Variants in AIM2 observed in about 807,000 individuals in gnomAD.
AIM2 encodes the protein interferon-inducible protein AIM2.
A neutral mutation model predicts 27.7 loss-of-function variants in AIM2; 30 were observed. The observed-to-expected ratio is 1.08, with a 90% CI of 0.81 to 1.47. The LOEUF (loss-of-function observed/expected upper bound fraction) is 1.47, where lower values mean the gene tolerates loss of function less well. Among genes scored for constraint, AIM2 ranks in the 40% most tolerant of loss-of-function variants. AIM2 has a pLI of 0.00. For synonymous variants in AIM2, 141 were observed against 145.3 expected, an observed-to-expected ratio of 0.97 and a Z score of 0.21; for missense variants, 358 against 411.3, an observed-to-expected ratio of 0.87 and a Z score of 1.12.
intron 1 of AIM2, among the ~76,000 whole-genome samples, chr1:159,127,206 G>A (rs1162623890): frequency 2.0e-5 from 3 of 152,172 alleles, no homozygotes; most frequent in Non-Finnish European, 4.4e-5. Flanking sequence ...GTAGGATCCT[G>A]AGTGTTTATT....
rs753715706 is a variant in AIM2, at chr1:159,063,541, A to T, written c.950T>A (p.Leu317Gln). 8 of 1,613,958 alleles carry T rather than the reference A, an allele frequency of 5.0e-6. No homozygotes were observed. The highest frequency in any genetic ancestry group is 6.8e-6 in the Non-Finnish European group (8 of 1,179,952). Residue 317 changes from leucine (L) to glutamine (Q), a missense_variant, in exon 5 of 6, where the codon CTG becomes CAG. Coordinates refer to ENST00000368130, the MANE Select transcript of AIM2 (RefSeq NM_004833.3). Reference sequence around the variant, plus strand: ...CTGTAGTTTTTCTCCATTTTTTGACAGTGTGAAGAATGTAAGTCGAACCTT... The same window carrying T: ...CTGTAGTTTTTCTCCATTTTTTGACTGTGTGAAGAATGTAAGTCGAACCTT... Reference protein sequence around the residue: ...GDKVRLTFFTLSKNGEKLQLT... With the variant: ...GDKVRLTFFTQSKNGEKLQLT...
At chr1:159,108,352 T>A (rs1276290148) in intron 1 of AIM2, among the ~76,000 whole-genome samples, 6 of 152,182 alleles carry the variant, frequency 3.9e-5, no homozygotes, top group Non-Finnish European at 7.4e-5. Flanking sequence ...CATCCCTTTA[T>A]AATTAAAACT....
chr1:159,062,784 G>A (rs1655889182), intron 5 of AIM2, 66 bp from the exon 6 acceptor site: 2 of 1,430,516 alleles, frequency 1.4e-6, no homozygotes, highest in South Asian at 1.2e-5. Flanking sequence ...ACTGTTTGCA[G>A]TCACTATGGC....
intron 3 of AIM2, among the ~76,000 whole-genome samples, chr1:159,067,877 C>A (rs867734477): frequency 6.6e-6 from 1 of 152,056 alleles, no homozygotes; most frequent in East Asian, 1.9e-4. Context: ...TCTGCCACTC[C>A]CTCAGGACTA....
At chr1:159,084,595 G>T (rs924410298) in intron 1 of AIM2, among the ~76,000 whole-genome samples, 2 of 151,988 alleles carry the variant, frequency 1.3e-5, no homozygotes, top group African/African-American at 4.8e-5. Context: ...AAAAAACGGC[G>T]ACCTTATCTC....
chr1:159,126,896 T>C (rs1647710418), intron 1 of AIM2, among the ~76,000 whole-genome samples: 1 of 152,224 alleles, frequency 6.6e-6, no homozygotes, highest in Non-Finnish European at 1.5e-5. Context: ...ACTCACACCA[T>C]GGAGCATTAT....
chr1:159,137,686 G>A (rs1218623907), intron 1 of AIM2, among the ~76,000 whole-genome samples: 2 of 152,086 alleles, frequency 1.3e-5, no homozygotes, highest in Non-Finnish European at 2.9e-5. Context: ...AAACCTATGT[G>A]TTGGTATCTG....
rs562633402 is a variant in AIM2, at chr1:159,124,514, T to C, written c.-16+15917A>G. Among the ~76,000 whole-genome samples the C allele has an allele frequency of 2.6e-5, 4 of 152,304 alleles. No individual in the cohort carries two copies. The South Asian group carries it at 8.3e-4, about 32-fold the overall frequency. ...CTGTAATCTTTACTATTCTTTGGAA[T>C]CCTCTCCCCGGTTTATTTACTAAAG... On this transcript the variant is annotated intron_variant, in intron 1 of 2. Coordinates refer to the AIM2 transcript ENST00000368129.
chr1:159,140,012 G>A (rs1484988838), intron 1 of AIM2, among the ~76,000 whole-genome samples: 1 of 152,146 alleles, frequency 6.6e-6, no homozygotes, highest in African/African-American at 2.4e-5. Flanking sequence ...GTGGAAAAAT[G>A]TGACATACCC....
chr1:159,067,449 G>A (rs1262227417), intron 3 of AIM2, among the ~76,000 whole-genome samples: 5 of 152,140 alleles, frequency 3.3e-5, no homozygotes, highest in African/African-American at 1.2e-4. Flanking sequence ...GTCTCTGAAG[G>A]GTGTCTCTGA....
At chr1:159,061,559 T>C (rs1264611752), downstream of AIM2, among the ~76,000 whole-genome samples, 1 of 70,402 alleles carries the variant, frequency 1.4e-5, no homozygotes, top group Non-Finnish European at 2.5e-5. Flanking sequence ...TGCCCGGCTA[T>C]TTTTTTTTTT....
chr1:159,065,601 T>G (rs962180416), intron 4 of AIM2, among the ~76,000 whole-genome samples: 12 of 152,172 alleles, frequency 7.9e-5, no homozygotes, highest in Non-Finnish European at 1.8e-4. Flanking sequence ...CTATAGTCAC[T>G]TAAAATAAAG....
chr1:159,117,435 T>C (rs954904898), intron 1 of AIM2, among the ~76,000 whole-genome samples: 1 of 152,128 alleles, frequency 6.6e-6, no homozygotes, highest in Non-Finnish European at 1.5e-5. Context: ...ATATATCAAG[T>C]ATAACAAATA....
chr1:159,115,215 T>G (rs1298466762), intron 1 of AIM2, among the ~76,000 whole-genome samples: 3 of 152,156 alleles, frequency 2.0e-5, no homozygotes, highest in African/African-American at 7.2e-5. Context: ...CATTCCATGC[T>G]CATGGGTAGG....
chr1:159,146,302 G>C (rs1236443333), intron 1 of AIM2, among the ~76,000 whole-genome samples: 1 of 151,930 alleles, frequency 6.6e-6, no homozygotes, highest in East Asian at 1.9e-4. Flanking sequence ...GATGATTCCT[G>C]GTGCTAACTT....
intron 1 of AIM2, among the ~76,000 whole-genome samples, chr1:159,075,605 T>G (rs1299937301): frequency 3.3e-5 from 5 of 150,360 alleles, no homozygotes; most frequent in African/African-American, 9.9e-5. Flanking sequence ...GCTATATATA[T>G]ATATATAGAG....
chr1:159,093,722 A>G (rs1657103035), intron 1 of AIM2, among the ~76,000 whole-genome samples: 1 of 148,942 alleles, frequency 6.7e-6, no homozygotes, highest in Admixed American at 6.7e-5. Flanking sequence ...ATGTATGTGT[A>G]TATATATATA....
intron 1 of AIM2, among the ~76,000 whole-genome samples, chr1:159,118,696 A>G (rs945752692): frequency 7.2e-5 from 11 of 152,136 alleles, no homozygotes; most frequent in African/African-American, 2.7e-4. Context: ...TCTTTCCTGA[A>G]CCAATTATTT....
chr1:159,113,555 T>C (rs1389080341), intron 1 of AIM2, among the ~76,000 whole-genome samples: 1 of 152,178 alleles, frequency 6.6e-6, no homozygotes, highest in Non-Finnish European at 1.5e-5. Context: ...TAACTGAGGG[T>C]TTAAAATCGG....
Sources: gnomAD v4.1 joint callset for allele counts (sites outside exome capture counted in the v4.1 genomes callset) on GRCh38, gnomAD v4.1.1 for gene constraint, MANE v1.5 for transcripts, NCBI Gene and HGNC (gene_info 2026-07-23, HGNC 2026-07-21) for gene names.